Variants in NTM observed in about 807,000 individuals in gnomAD.
NTM encodes the protein IgLON family member 2.
Under a neutral mutation model 42.1 loss-of-function variants are expected in NTM, and 13 were observed. The observed-to-expected ratio is 0.31, with a 90% CI of 0.20 to 0.49. NTM has a LOEUF of 0.49. NTM is among the 20% of genes least tolerant of loss of function. NTM has a pLI of 0.99. For synonymous variants in NTM, 187 were observed against 179.2 expected (o/e 1.04, Z -0.35); for missense variants, 373 against 452.8 (o/e 0.82, Z 1.60).
At chr11:132,320,859 TCCCTGAC>T (rs1329458444) in intron 7 of NTM, among the ~76,000 whole-genome samples, 6 of 151,362 alleles carry the variant, frequency 4.0e-5, no homozygotes, top group East Asian at 1.9e-4. Flanking sequence ...CTCAAGTGGG[TCCCTGAC>T]CCCTGACCCC....
intron 2 of NTM, among the ~76,000 whole-genome samples, chr11:131,933,120 C>T (rs538292219): frequency 5.4e-4 from 83 of 152,316 alleles, no homozygotes; most frequent in Middle Eastern, 3.4e-3. Flanking sequence ...CAGCTGTCAA[C>T]GTGCCTGCTA....
chr11:131,913,658 C>T (rs1269984139), intron 2 of NTM, among the ~76,000 whole-genome samples: 1 of 152,136 alleles, frequency 6.6e-6, no homozygotes, highest in Non-Finnish European at 1.5e-5. Context: ...TGTTTGTTTG[C>T]ATTTTCACAT....
At chr11:131,814,505 G>C (rs2092867724) in intron 1 of NTM, among the ~76,000 whole-genome samples, 1 of 152,136 alleles carries the variant, frequency 6.6e-6, no homozygotes, top group Non-Finnish European at 1.5e-5. Flanking sequence ...TCAGATGGCA[G>C]TACATTTTCA....
At chr11:131,637,673 C>A (rs2064580685) in intron 1 of NTM, among the ~76,000 whole-genome samples, 1 of 152,014 alleles carries the variant, frequency 6.6e-6, no homozygotes, top group African/African-American at 2.4e-5. Flanking sequence ...CCGTTCCTCA[C>A]CACCAACCGT....
intron 1 of NTM, among the ~76,000 whole-genome samples, chr11:131,900,813 G>T (rs1049965869): frequency 3.3e-5 from 5 of 152,184 alleles, no homozygotes; most frequent in African/African-American, 1.2e-4. Context: ...AATACTAGGA[G>T]AATTTTTATG....
chr11:131,522,304 C>A (rs1399351590), intron 1 of NTM, among the ~76,000 whole-genome samples: 1 of 151,030 alleles, frequency 6.6e-6, no homozygotes, highest in East Asian at 2.0e-4. Flanking sequence ...TCTCAGTTGG[C>A]TTGTAAGTCA....
At chr11:131,821,168 T>G (rs2093171067) in intron 1 of NTM, among the ~76,000 whole-genome samples, 1 of 152,140 alleles carries the variant, frequency 6.6e-6, no homozygotes, top group Non-Finnish European at 1.5e-5. Flanking sequence ...TTCCCCCTAG[T>G]TTCTATTCTT....
At chr11:131,570,963 C>T (rs1242910402) in intron 1 of NTM, among the ~76,000 whole-genome samples, 1 of 152,220 alleles carries the variant, frequency 6.6e-6, no homozygotes, top group Admixed American at 6.5e-5. Context: ...GCGGAGAAGA[C>T]AGCCATGGAA....
intron 1 of NTM, among the ~76,000 whole-genome samples, chr11:131,674,601 T>C (rs2071034247): frequency 1.3e-5 from 2 of 152,354 alleles, no homozygotes; most frequent in East Asian, 1.9e-4. Flanking sequence ...AGTCATTCAT[T>C]GCTATGATTG....
intron 1 of NTM, among the ~76,000 whole-genome samples, chr11:131,789,650 AG>A (rs1378532564): frequency 2.2e-5 from 3 of 138,154 alleles, no homozygotes; most frequent in Admixed American, 2.2e-4. Context: ...AAGAAGAAGA[AG>A]AAGAAGAAGA....
At chr11:132,085,512 C>T (rs183599075) in intron 2 of NTM, among the ~76,000 whole-genome samples, 31 of 152,176 alleles carry the variant, frequency 2.0e-4, no homozygotes, top group African/African-American at 7.5e-4. Context: ...ATAATTTAGA[C>T]CACCTATTTA....
chr11:131,600,796 T>A (rs2060415357), intron 1 of NTM, among the ~76,000 whole-genome samples: 1 of 151,836 alleles, frequency 6.6e-6, no homozygotes, highest in South Asian at 2.1e-4. Flanking sequence ...AAGAGGCCCA[T>A]AATCCCTGCC....
In NTM at chr11:131,873,544, A is replaced by G. The variant is rs537576595; in HGVS notation, c.83-38020A>G. ...AAAGTGTGTGTGTGTGTGTGTATAT[A>G]TATACATATATATATACCGTATATA... On this transcript the variant is annotated intron_variant, in intron 1 of 8. Transcript: ENST00000683400. Among the ~76,000 whole-genome samples the G allele has an allele frequency of 4.5e-4, 23 of 51,456 alleles. 1 individual carries two copies. The highest frequency in any genetic ancestry group is 9.3e-4 in the African/African-American group (20 of 21,564). The allele number at this position is 51,456 out of a possible 152,430, so 33.8% of individuals were successfully genotyped here.
chr11:131,436,884 A>G (rs10894390), intron 1 of NTM, among the ~76,000 whole-genome samples: 124,594 of 152,044 alleles, frequency 0.82, 53,044 homozygotes, highest in Non-Finnish European at 0.95. Context: ...TTAGGGTGTC[A>G]ATTTTAGATC....
chr11:131,606,088 G>A (rs2060931301), intron 1 of NTM: 2 of 166,222 alleles, frequency 1.2e-5, no homozygotes, highest in Admixed American at 6.5e-5. Flanking sequence ...CTGTCATTCA[G>A]GCTGGAGTGC....
intron 3 of NTM, among the ~76,000 whole-genome samples, chr11:132,198,084 A>G (rs900949971): frequency 6.6e-6 from 1 of 152,242 alleles, no homozygotes; most frequent in Non-Finnish European, 1.5e-5. Flanking sequence ...CCTGACTTCC[A>G]CAATGGTTGA....
At chr11:131,955,574 T>C (rs1188045188) in intron 2 of NTM, among the ~76,000 whole-genome samples, 1 of 152,144 alleles carries the variant, frequency 6.6e-6, no homozygotes, top group African/African-American at 2.4e-5. Context: ...AGGTAAAACA[T>C]CAAAAGATAC....
intron 1 of NTM, among the ~76,000 whole-genome samples, chr11:131,789,027 C>G (rs1448164575): frequency 2.0e-5 from 3 of 152,076 alleles, no homozygotes; most frequent in Non-Finnish European, 2.9e-5. Context: ...GGGGTCTCTG[C>G]GTGGAGCACT....
chr11:131,845,120 C>A (rs2044741494), intron 1 of NTM, among the ~76,000 whole-genome samples: 1 of 152,206 alleles, frequency 6.6e-6, no homozygotes, highest in Middle Eastern at 3.4e-3. Flanking sequence ...GTTAAGGAAT[C>A]CCCTTTAGAT....
Sources: allele counts gnomAD v4.1 joint callset (sites outside exome capture counted in the v4.1 genomes callset), GRCh38; gene constraint gnomAD v4.1.1; transcripts MANE v1.5; gene names NCBI Gene and HGNC (gene_info 2026-07-23, HGNC 2026-07-21).